Variants in XRCC5 observed in about 807,000 individuals in gnomAD.
The protein encoded by XRCC5 is X-ray repair cross complementing 5.
A neutral mutation model predicts 95.7 loss-of-function variants in XRCC5; 12 were observed. The ratio of observed to expected loss-of-function variants is 0.13; its 90% CI spans 0.08 to 0.20. The LOEUF (loss-of-function observed/expected upper bound fraction) is 0.20, where lower values mean the gene tolerates loss of function less well. Ranked by LOEUF, XRCC5 falls within the 10% of genes least tolerant of loss-of-function variation. The pLI, the probability that XRCC5 is intolerant of heterozygous loss-of-function variation, is 1.00. For missense variants in XRCC5, 595 were observed against 873.9 expected (o/e 0.68, Z 4.02); for synonymous variants, 281 against 290.3 (o/e 0.97, Z 0.33).
chr2:216,197,151 G>A (rs929901061), intron 19 of XRCC5, among the ~76,000 whole-genome samples: 7 of 152,128 alleles, frequency 4.6e-5, no homozygotes, highest in Admixed American at 3.9e-4. Context: ...AATTGTGCAA[G>A]GCTTGTTCTG....
intron 14 of XRCC5, among the ~76,000 whole-genome samples, chr2:216,155,482 A>G (rs1688824456): frequency 6.6e-6 from 1 of 152,186 alleles, no homozygotes. Context: ...ACATTAGATG[A>G]TACCAGTTGT....
intron 16 of XRCC5, among the ~76,000 whole-genome samples, chr2:216,180,062 G>A (rs1411938550): frequency 2.0e-5 from 3 of 152,176 alleles, no homozygotes; most frequent in African/African-American, 7.2e-5. Flanking sequence ...GCAACTGGAC[G>A]AATTGCCATT....
rs551877297 is a variant in XRCC5, at chr2:216,179,941, C to T, written c.1835-10284C>T. Among the ~76,000 whole-genome samples the T allele has an allele frequency of 4.6e-5, 7 of 152,128 alleles. No individual in the cohort carries two copies. The East Asian group carries it at 7.7e-4, about 17-fold the overall frequency. On this transcript the variant is annotated intron_variant, in intron 16 of 20. Transcript: ENST00000392132. ...TGACCGGAGGTAGTAAGAAGAGGTC[C>T]GATTTTTGATCTGTTTTGAAAGTAG... is the stretch of plus-strand genomic sequence containing the variant.
At chr2:216,156,625 A>G in intron 14 of XRCC5, 1 of 562,038 alleles carries the variant, frequency 1.8e-6, no homozygotes, top group Non-Finnish European at 3.6e-6. Context: ...TCTTTGCATC[A>G]TCTGCCTACA....
chr2:216,167,583 T>TGG (rs1364351969), intron 16 of XRCC5, among the ~76,000 whole-genome samples: 2 of 75,210 alleles, frequency 2.7e-5, no homozygotes, highest in South Asian at 6.9e-4. Context: ...TGTGTGTGTG[T>TGG]GTGTGTGTGT....
chr2:216,190,305 A>G lies in XRCC5; in HGVS notation c.1915A>G (p.Ile639Val). Residue 639 changes from isoleucine (I) to valine (V), a missense_variant, in exon 17 of 21, where the codon ATC (isoleucine) becomes GTC (valine). Physicochemically the swap from Ile to Val is conservative, Grantham distance 29. Transcript: ENST00000392132. Reference protein sequence around the residue: ...TPYFMKSIDCIRAFREEAIKF... With the variant: ...TPYFMKSIDCVRAFREEAIKF... ...GTATTTTATGAAGAGCATAGACTGC[A>G]TCCGAGCCTTCCGGGAAGAAGCCAT... 6.2e-7 allele frequency: 1 copy of G among 1,613,920 alleles called. No homozygotes were observed. The highest frequency in any genetic ancestry group is 2.2e-5 in the East Asian group (1 of 44,876).
In XRCC5 at chr2:216,194,952, C is replaced by T. The variant is rs923795465; in HGVS notation, c.2075C>T (p.Ser692Phe). The T allele has an allele frequency of 1.2e-6, 2 of 1,614,070 alleles. No homozygotes were observed. Among genetic ancestry groups the T allele is most frequent in the African/African-American group, 2.7e-5 (2 of 74,938 alleles). Reference protein sequence around the residue: ...GITLITKEEASGSSVTAEEAK... With the variant: ...GITLITKEEAFGSSVTAEEAK... ...ACTCTGATCACCAAAGAGGAAGCCT[C>T]TGGAAGTTCTGTCACAGCTGAGGAA... is the stretch of plus-strand genomic sequence containing the variant. Residue 692 changes from serine to phenylalanine, a missense_variant, in exon 19 of 21, where the codon TCT (serine) becomes TTT (phenylalanine). Physicochemically the swap from Ser to Phe is radical, Grantham distance 155 (BLOSUM62 -2). This residue lies in a region of XRCC5 where 309 missense variants were observed against 382.9 expected (regional missense o/e 0.81). Coordinates refer to ENST00000392132, the MANE Select transcript of XRCC5 (RefSeq NM_021141.4).
chr2:216,182,900 C>G (rs1271626534), intron 16 of XRCC5, among the ~76,000 whole-genome samples: 1 of 152,074 alleles, frequency 6.6e-6, no homozygotes, highest in Non-Finnish European at 1.5e-5. Context: ...TAAAAAATTA[C>G]AAGACCATAG....
At chr2:216,114,728 C>A (rs971013251) in intron 2 of XRCC5, among the ~76,000 whole-genome samples, 1 of 152,010 alleles carries the variant, frequency 6.6e-6, no homozygotes, top group Non-Finnish European at 1.5e-5. Context: ...CAGAAAACAC[C>A]TGGAGTTAGC....
At chr2:216,152,248 C>T (rs374692227) in intron 14 of XRCC5, among the ~76,000 whole-genome samples, 1 of 152,070 alleles carries the variant, frequency 6.6e-6, no homozygotes, top group African/African-American at 2.4e-5. Context: ...ACCAGCCTGG[C>T]CAACATGGTG....
At chr2:216,143,514 AG>A (rs1339725207) in intron 13 of XRCC5, among the ~76,000 whole-genome samples, 1 of 152,226 alleles carries the variant, frequency 6.6e-6, no homozygotes, top group Non-Finnish European at 1.5e-5. Context: ...CCATAAATGC[AG>A]GCATTTTTAT....
intron 2 of XRCC5, among the ~76,000 whole-genome samples, chr2:216,113,676 A>G (rs190145558): frequency 2.0e-5 from 3 of 152,342 alleles, no homozygotes; most frequent in East Asian, 3.9e-4. Context: ...CAAAGGCTCA[A>G]CTGGACCAGA....
At chr2:216,117,505 C>T (rs1696720894) in intron 3 of XRCC5, 1 of 478,424 alleles carries the variant, frequency 2.1e-6, no homozygotes, top group Non-Finnish European at 3.8e-6. Context: ...TAAATGAATG[C>T]AATGTGTTAG....
chr2:216,144,350 A>G (rs1688578287), intron 13 of XRCC5, among the ~76,000 whole-genome samples: 1 of 152,214 alleles, frequency 6.6e-6, no homozygotes, highest in African/African-American at 2.4e-5. Flanking sequence ...GTAAGTAGTA[A>G]GTAGGTTGTG....
intron 16 of XRCC5, among the ~76,000 whole-genome samples, chr2:216,179,096 A>T (rs1308318501): frequency 6.6e-6 from 1 of 152,226 alleles, no homozygotes; most frequent in Non-Finnish European, 1.5e-5. Context: ...TTATCCTTGC[A>T]GTTCTGGAGA....
At chr2:216,152,686 G>A (rs865866249) in intron 14 of XRCC5, among the ~76,000 whole-genome samples, 1 of 148,830 alleles carries the variant, frequency 6.7e-6, no homozygotes. Flanking sequence ...GAGACAGGGT[G>A]TCTCTCTGTC....
At chr2:216,173,591 C>A (rs1012550622) in intron 16 of XRCC5, among the ~76,000 whole-genome samples, 7 of 152,210 alleles carry the variant, frequency 4.6e-5, no homozygotes, top group African/African-American at 1.7e-4. Context: ...GTACTGAATT[C>A]ATTTAGCTAA....
At chr2:216,188,749 A>G (rs893617601) in intron 16 of XRCC5, among the ~76,000 whole-genome samples, 2 of 152,176 alleles carry the variant, frequency 1.3e-5, no homozygotes, top group Non-Finnish European at 2.9e-5. Flanking sequence ...TGCTCTGCCT[A>G]CTAATCAGGG....
intron 19 of XRCC5, among the ~76,000 whole-genome samples, chr2:216,200,773 A>C (rs901482197): frequency 6.6e-6 from 1 of 152,194 alleles, no homozygotes; most frequent in African/African-American, 2.4e-5. Context: ...AATTGGAATC[A>C]TGCCTTTTTT....
Sources: allele counts gnomAD v4.1 joint callset (sites outside exome capture counted in the v4.1 genomes callset), GRCh38; gene constraint gnomAD v4.1.1; regional missense constraint gnomAD v4.1.1; transcripts MANE v1.5; gene names NCBI Gene and HGNC (gene_info 2026-07-23, HGNC 2026-07-21).